The following SHOC1 variants were observed in gnomAD, a reference collection of about 807,000 sequenced individuals.
SHOC1 encodes the protein shortage in chiasmata 1.
A neutral mutation model predicts 179.2 loss-of-function variants in SHOC1; 136 were observed. That is an observed-to-expected ratio of 0.76 (90% confidence interval 0.66 to 0.87). The LOEUF (loss-of-function observed/expected upper bound fraction) is 0.87. Among genes scored for constraint, SHOC1 ranks in the 40% least tolerant of loss-of-function variants. The pLI is 0.00. For missense variants in SHOC1, 1,538 were observed against 1,700.8 expected (o/e 0.90, Z 1.68); for synonymous variants, 489 against 586.6 (o/e 0.83, Z 2.41).
At chr9:111,757,053 T>G (rs1008991268) in intron 7 of SHOC1, among the ~76,000 whole-genome samples, 7 of 152,218 alleles carry the variant, frequency 4.6e-5, no homozygotes, top group Non-Finnish European at 8.8e-5. Context: ...TTAAGTGCTT[T>G]AAGTCCATTA....
intron 13 of SHOC1, among the ~76,000 whole-genome samples, chr9:111,724,173 G>A (rs749719289): frequency 5.9e-5 from 9 of 152,038 alleles, no homozygotes; most frequent in African/African-American, 9.7e-5. Context: ...TGTAAAATAT[G>A]GATAAATATA....
chr9:111,755,146 TG>T (rs1219800571), intron 8 of SHOC1, among the ~76,000 whole-genome samples: 1 of 152,184 alleles, frequency 6.6e-6, no homozygotes, highest in East Asian at 1.9e-4. Context: ...AAGTGAAGGC[TG>T]GGAGTTTAAC....
intron 3 of SHOC1, among the ~76,000 whole-genome samples, chr9:111,781,598 C>T (rs568946880): frequency 6.6e-6 from 1 of 151,018 alleles, no homozygotes; most frequent in South Asian, 2.1e-4. Flanking sequence ...TAGTGCATGC[C>T]TCTAGTCCCA....
At chr9:111,751,906 T>C (rs927785957) in intron 8 of SHOC1, among the ~76,000 whole-genome samples, 4 of 152,168 alleles carry the variant, frequency 2.6e-5, no homozygotes, top group African/African-American at 7.2e-5. Context: ...ATTTAAAAAC[T>C]AGTATATAAA....
Position 111,686,658 on chromosome 9 carries a change from A to G in SHOC1, c.*112T>C, listed in dbSNP as rs542864386. 3.0e-6 allele frequency: 2 copies of G among 673,934 alleles called. No homozygotes were observed. The highest frequency in any genetic ancestry group is 1.7e-5 in the South Asian group (1 of 57,476). 41.7% of individuals were successfully genotyped at this position (673,934 alleles called of 1,614,324 possible). On this transcript the variant is annotated 3_prime_UTR_variant, in exon 28 of 28. Transcript: ENST00000682961. The stretch of plus-strand genomic sequence containing the variant: ...ATATTTAATACAGAAATACTGAGAC[A>G]TATATGAACAATTGTGTTTTCTTTA...
chr9:111,693,686 G>T, intron 26 of SHOC1, 113 bp downstream of exon 26: 1 of 600,186 alleles, frequency 1.7e-6, no homozygotes, highest in Non-Finnish European at 2.7e-6. Flanking sequence ...GCTATTTGAA[G>T]TCCAAAACAA....
At chr9:111,748,898 T>G (rs902001503) in intron 8 of SHOC1, among the ~76,000 whole-genome samples, 6 of 144,662 alleles carry the variant, frequency 4.1e-5, no homozygotes, top group Non-Finnish European at 6.1e-5. Flanking sequence ...CTTTTGGCTT[T>G]CTTTCTTCCC....
At chr9:111,687,447 A>G (rs1236128727) in intron 27 of SHOC1, among the ~76,000 whole-genome samples, 1 of 152,224 alleles carries the variant, frequency 6.6e-6, no homozygotes, top group Admixed American at 6.5e-5. Context: ...TGCCTTGTAC[A>G]AATACTTAAA....
At chr9:111,708,974 G>A (rs745772109) in intron 18 of SHOC1, among the ~76,000 whole-genome samples, 2 of 152,168 alleles carry the variant, frequency 1.3e-5, no homozygotes, top group Non-Finnish European at 2.9e-5. Context: ...TACTTGACAT[G>A]ACAATAGTTC....
chr9:111,694,065 A>C, intron 25 of SHOC1, 117 bp from the exon 26 acceptor site: 1 of 1,100,068 alleles, frequency 9.1e-7, no homozygotes, highest in African/African-American at 1.6e-5. Flanking sequence ...GTCTTTCGAA[A>C]GTGATCCATT....
chr9:111,755,428 A>G (rs1834809963), intron 8 of SHOC1, among the ~76,000 whole-genome samples: 1 of 152,192 alleles, frequency 6.6e-6, no homozygotes, highest in African/African-American at 2.4e-5. Context: ...CCTGTTCTCA[A>G]TGGATATCGC....
At position 111,691,959 on chromosome 9, in the gene SHOC1, T is replaced by C. The variant is rs1476691829; in HGVS notation, c.4018A>G (p.Lys1340Glu). The change falls in exon 27 of 28, where the codon AAA becomes GAA. Residue 1340 changes from lysine to glutamate, a missense_variant. Coordinates refer to ENST00000682961, the MANE Select transcript of SHOC1 (RefSeq NM_001378211.1). The stretch of plus-strand genomic sequence containing the variant: ...GAAAAGATAGGGTCCGATACATCTT[T>C]ATTTATGAAACCTTTTGCTTCATGT... Reference protein sequence around the residue: ...RTHEAKGFINKDVSDPIFSLE... With the variant: ...RTHEAKGFINEDVSDPIFSLE... 1 of 1,613,818 alleles carries C rather than the reference T, an allele frequency of 6.2e-7. No individual in the cohort carries two copies. The highest frequency in any genetic ancestry group is 1.7e-5 in the Admixed American group (1 of 59,962).
At chr9:111,712,596 G>T (rs543950482) in intron 18 of SHOC1, among the ~76,000 whole-genome samples, 11 of 152,244 alleles carry the variant, frequency 7.2e-5, no homozygotes, top group African/African-American at 2.6e-4. Flanking sequence ...AAGTGGAAAG[G>T]GTTGACAGAA....
intron 5 of SHOC1, among the ~76,000 whole-genome samples, chr9:111,766,871 C>CA (rs764386808): frequency 8.6e-5 from 13 of 151,808 alleles, no homozygotes; most frequent in Non-Finnish European, 1.5e-4. Context: ...CTTAGCCTCC[C>CA]AAAGTGCTGG....
Position 111,703,979 on chromosome 9 carries a change from G to C in SHOC1, c.2869C>G (p.Leu957Val). 1 of 1,573,444 alleles carries C rather than the reference G, an allele frequency of 6.4e-7. No individual in the cohort carries two copies. The highest frequency in any genetic ancestry group is 1.7e-4 in the Middle Eastern group (1 of 5,972). ...QLLESNYNISLVERGCSESLK... is the reference protein window; with the variant it reads ...QLLESNYNISVVERGCSESLK... ...GACTCACTGCAGCCTCTCTCTACTA[G>C]TGAGATGTTATAGCTGTAAAATACA... The change falls in exon 22 of 28, where the codon CTA (leucine) becomes GTA (valine). Residue 957 changes from leucine to valine, a missense_variant. Physicochemically the swap from Leu to Val is conservative, Grantham distance 32. Coordinates refer to ENST00000682961, the MANE Select transcript of SHOC1 (RefSeq NM_001378211.1).
At chr9:111,756,776 A>G (rs751217434) in intron 7 of SHOC1, among the ~76,000 whole-genome samples, 4 of 152,210 alleles carry the variant, frequency 2.6e-5, no homozygotes, top group Non-Finnish European at 5.9e-5. Context: ...AATTGTAAAC[A>G]TTTTAAATTA....
intron 3 of SHOC1, among the ~76,000 whole-genome samples, chr9:111,781,750 A>AATTAATAAATTAATTAATTAATT (rs1554724113): frequency 1.3e-5 from 2 of 150,892 alleles, no homozygotes; most frequent in African/African-American, 2.4e-5. Context: ...ATAAATAAAT[A>AATTAATAAATTAATTAATTAATT]AATTTGTATG....
chr9:111,699,605 C>T (rs1831868666), intron 24 of SHOC1, among the ~76,000 whole-genome samples: 1 of 152,104 alleles, frequency 6.6e-6, no homozygotes, highest in African/African-American at 2.4e-5. Flanking sequence ...AATATATTAC[C>T]CTAGTATATG....
intron 18 of SHOC1, among the ~76,000 whole-genome samples, chr9:111,709,671 A>C (rs1589390620): frequency 6.6e-6 from 1 of 152,380 alleles, no homozygotes; most frequent in East Asian, 1.9e-4. Context: ...AGTATTCAGC[A>C]TGAAACCCAG....
Sources: allele counts gnomAD v4.1 joint callset (sites outside exome capture counted in the v4.1 genomes callset), GRCh38; gene constraint gnomAD v4.1.1; transcripts MANE v1.5; gene names NCBI Gene and HGNC (gene_info 2026-07-23, HGNC 2026-07-21).